The following RELN variants were observed in gnomAD, a reference collection of about 807,000 sequenced individuals.
RELN encodes the protein reelin.
A neutral mutation model predicts 427.6 loss-of-function variants in RELN; 108 were observed. The ratio of observed to expected loss-of-function variants is 0.25; its 90% CI spans 0.22 to 0.30. The LOEUF (loss-of-function observed/expected upper bound fraction) is 0.30. RELN is among the 10% of genes least tolerant of loss of function. The probability of loss-of-function intolerance (pLI) is 1.00; values close to 1 mark genes in which losing one functional copy is unlikely to be tolerated. For synonymous variants in RELN, 1,524 were observed against 1,513.4 expected, an observed-to-expected ratio of 1.01 and a Z score of -0.16; for missense variants, 3,715 against 4,302.8, an observed-to-expected ratio of 0.86 and a Z score of 3.82.
intron 28 of RELN, among the ~76,000 whole-genome samples, chr7:103,578,649 T>G (rs1831057936): frequency 6.6e-6 from 1 of 152,194 alleles, no homozygotes; most frequent in South Asian, 2.1e-4. Flanking sequence ...CACAATTGAT[T>G]TAGCAACCTC....
At chr7:103,668,046 A>G (rs1833309622) in intron 11 of RELN, among the ~76,000 whole-genome samples, 1 of 152,186 alleles carries the variant, frequency 6.6e-6, no homozygotes, top group Non-Finnish European at 1.5e-5. Context: ...CCTGGCCAAC[A>G]TGGTGAAAAC....
At chr7:103,727,464 A>T (rs1320708180) in intron 7 of RELN, among the ~76,000 whole-genome samples, 2 of 152,160 alleles carry the variant, frequency 1.3e-5, no homozygotes, top group African/African-American at 4.8e-5. Flanking sequence ...ACAACCAAAA[A>T]AAGGCTCATT....
At chr7:103,929,180 A>T (rs1355426552) in intron 1 of RELN, among the ~76,000 whole-genome samples, 1 of 88,230 alleles carries the variant, frequency 1.1e-5, no homozygotes, top group Non-Finnish European at 3.4e-5. Context: ...TCTTTATTGC[A>T]GTACTTATCT....
chr7:103,776,753 C>T, intron 3 of RELN, 126 bp from the exon 4 acceptor site: 3 of 935,816 alleles, frequency 3.2e-6, no homozygotes, highest in African/African-American at 1.6e-5. Context: ...TTAATGAGTA[C>T]ATCAGAAGAG....
intron 1 of RELN, among the ~76,000 whole-genome samples, chr7:103,950,048 C>T (rs1584394534): frequency 6.6e-6 from 1 of 152,190 alleles, no homozygotes; most frequent in African/African-American, 2.4e-5. Flanking sequence ...GTTCTGGAGG[C>T]TGGGAAGTTC....
intron 17 of RELN, among the ~76,000 whole-genome samples, chr7:103,638,253 A>G (rs997438338): frequency 2.0e-5 from 3 of 152,082 alleles, no homozygotes; most frequent in Non-Finnish European, 2.9e-5. Context: ...AAATCACCCC[A>G]CTGTTAAGCT....
rs980624907 is a variant in RELN at position 103,805,635 on chromosome 7, C to G, written c.473+27902G>C. 2.6e-5 allele frequency among the ~76,000 whole-genome samples: 4 copies of G among 152,318 alleles called. No individual in the cohort carries two copies. In the East Asian group the frequency reaches 7.7e-4, roughly 29 times the overall value. ...GTAATCTGAAGATTCTTCTCTTAGA[C>G]TTGGCCTGGTGCTCACTTAATCTTG... On this transcript the variant is annotated intron_variant, in intron 3 of 64. Coordinates refer to ENST00000428762, the MANE Select transcript of RELN (RefSeq NM_005045.4).
At chr7:103,942,122 T>C (rs1796127534) in intron 1 of RELN, among the ~76,000 whole-genome samples, 1 of 152,174 alleles carries the variant, frequency 6.6e-6, no homozygotes, top group Non-Finnish European at 1.5e-5. Context: ...AAAATTAACA[T>C]CAATCACCTC....
chr7:103,781,954 T>A (rs1322760594), intron 3 of RELN, among the ~76,000 whole-genome samples: 3 of 152,104 alleles, frequency 2.0e-5, no homozygotes, highest in Non-Finnish European at 2.9e-5. Flanking sequence ...TCTTAAGAGT[T>A]CAGGAAATAT....
chr7:103,701,528 A>T (rs1834092044), intron 8 of RELN, among the ~76,000 whole-genome samples: 1 of 152,150 alleles, frequency 6.6e-6, no homozygotes, highest in South Asian at 2.1e-4. Context: ...GATGTGATTG[A>T]TATTACTCTC....
chr7:103,890,132 C>T (rs1351216382), intron 2 of RELN, among the ~76,000 whole-genome samples: 1 of 152,030 alleles, frequency 6.6e-6, no homozygotes, highest in Non-Finnish European at 1.5e-5. Context: ...TCTCCTATGT[C>T]TTACAGGTCT....
chr7:103,511,120 A>G, intron 50 of RELN, 115 bp from the exon 51 acceptor site: 1 of 734,788 alleles, frequency 1.4e-6, no homozygotes, highest in Non-Finnish European at 2.4e-6. Flanking sequence ...CATATTATAT[A>G]CACTCTATAG....
At chr7:103,795,983 C>T (rs1381384806) in intron 3 of RELN, among the ~76,000 whole-genome samples, 1 of 152,178 alleles carries the variant, frequency 6.6e-6, no homozygotes, top group East Asian at 1.9e-4. Context: ...AACTGCCAAA[C>T]CAGTCAATTT....
chr7:103,737,742 G>A (rs1372770366), intron 6 of RELN, among the ~76,000 whole-genome samples: 1 of 152,166 alleles, frequency 6.6e-6, no homozygotes, highest in Non-Finnish European at 1.5e-5. Flanking sequence ...ATGCAGCAGA[G>A]TCTGTGATCG....
At chr7:103,865,403 C>T (rs1222654682) in intron 2 of RELN, among the ~76,000 whole-genome samples, 2 of 151,978 alleles carry the variant, frequency 1.3e-5, no homozygotes, top group Non-Finnish European at 2.9e-5. Context: ...TTTTATGAGG[C>T]CAGCATTACC....
At chr7:103,700,462 A>G (rs895600929) in intron 9 of RELN, among the ~76,000 whole-genome samples, 2 of 152,182 alleles carry the variant, frequency 1.3e-5, no homozygotes, top group Admixed American at 6.5e-5. Context: ...GAAGTTAGAA[A>G]GGATGTGACA....
intron 6 of RELN, among the ~76,000 whole-genome samples, chr7:103,740,037 T>G (rs1054848723): frequency 1.3e-5 from 2 of 152,108 alleles, no homozygotes; most frequent in African/African-American, 4.8e-5. Context: ...TCAGTGGATA[T>G]CTGCAGGAAC....
intron 22 of RELN, among the ~76,000 whole-genome samples, chr7:103,607,169 C>A (rs913668578): frequency 5.9e-5 from 9 of 151,700 alleles, no homozygotes; most frequent in Non-Finnish European, 1.3e-4. Flanking sequence ...GGGTGCAGCA[C>A]ACCAACATGG....
At chr7:103,904,896 A>G (rs1563081506) in intron 2 of RELN, among the ~76,000 whole-genome samples, 1 of 152,012 alleles carries the variant, frequency 6.6e-6, no homozygotes, top group Non-Finnish European at 1.5e-5. Context: ...AGATGAAATA[A>G]GAACCTAATA....
Sources: allele counts gnomAD v4.1 joint callset (sites outside exome capture counted in the v4.1 genomes callset), GRCh38; gene constraint gnomAD v4.1.1; transcripts MANE v1.5; gene names NCBI Gene and HGNC (gene_info 2026-07-23, HGNC 2026-07-21).